ACCSL: variants seen among roughly 807,000 people sequenced by gnomAD.
ACCSL encodes probable inactive 1-aminocyclopropane-1-carboxylate synthase-like protein 2.
In ACCSL, 55 loss-of-function variants were observed where a neutral mutation model predicts 61.7. The observed-to-expected ratio is 0.89, with a 90% CI of 0.72 to 1.12. The LOEUF is 1.12. Among genes scored for constraint, ACCSL ranks in the 50% most tolerant of loss-of-function variants. The pLI, the probability that ACCSL is intolerant of heterozygous loss-of-function variation, is 0.00. For missense variants in ACCSL, 632 were observed against 698.0 expected (o/e 0.91, Z 1.07); for synonymous variants, 258 against 264.3 (o/e 0.98, Z 0.23).
chr11:44,021,783 T>C, the ACCSL span, among the ~76,000 whole-genome samples: 2 of 152,142 alleles, frequency 1.3e-5, no homozygotes, highest in Non-Finnish European at 2.9e-5. Flanking sequence ...CCACCTTGAG[T>C]TGATTTTTTT....
At chr11:44,023,457 C>T in the ACCSL span, among the ~76,000 whole-genome samples, 2 of 152,144 alleles carry the variant, frequency 1.3e-5, no homozygotes, top group South Asian at 2.1e-4. Flanking sequence ...TTCTGGTATT[C>T]GCTTATGATC....
At chr11:44,018,254 A>C in the ACCSL span, among the ~76,000 whole-genome samples, 2 of 152,184 alleles carry the variant, frequency 1.3e-5, no homozygotes, top group African/African-American at 4.8e-5. Context: ...GGAGCATCAC[A>C]ACTCCAGGCA....
chr11:44,043,881 T>C (rs1335918361), upstream of ACCSL, among the ~76,000 whole-genome samples: 1 of 152,212 alleles, frequency 6.6e-6, no homozygotes, highest in South Asian at 2.1e-4. Flanking sequence ...TTTAATTTTC[T>C]TTCCATTTTT....
At chr11:43,942,031 CGTGCGTGTGTGT>C in the ACCSL span, among the ~76,000 whole-genome samples, 1,286 of 114,450 alleles carry the variant, frequency 0.011, 10 homozygotes, top group African/African-American at 0.024. Context: ...TGTTTGCATT[CGTGCGTGTGTGT>C]GTGTGTGTGT....
the ACCSL span, among the ~76,000 whole-genome samples, chr11:43,958,992 C>T: frequency 6.6e-6 from 1 of 152,120 alleles, no homozygotes; most frequent in Non-Finnish European, 1.5e-5. Flanking sequence ...GGTAGAAGGG[C>T]AGAAAAGGGC....
the ACCSL span, among the ~76,000 whole-genome samples, chr11:44,003,666 T>A: frequency 1.3e-5 from 2 of 151,660 alleles, no homozygotes; most frequent in Admixed American, 1.3e-4. Flanking sequence ...ATGCATTAAT[T>A]ACATTGGGCA....
At chr11:43,958,576 A>G in the ACCSL span, among the ~76,000 whole-genome samples, 1 of 152,222 alleles carries the variant, frequency 6.6e-6, no homozygotes, top group Non-Finnish European at 1.5e-5. Context: ...CCCTGTCTTG[A>G]TAAATTGACT....
chr11:43,985,912 C>T, the ACCSL span, among the ~76,000 whole-genome samples: 4 of 151,858 alleles, frequency 2.6e-5, no homozygotes, highest in Non-Finnish European at 4.4e-5. Context: ...GGGGAGTATG[C>T]CTGTAATCCC....
At chr11:43,992,605 C>A in the ACCSL span, among the ~76,000 whole-genome samples, 4 of 152,110 alleles carry the variant, frequency 2.6e-5, no homozygotes, top group Admixed American at 1.3e-4. Flanking sequence ...ATTAGAGATA[C>A]CTCTAATGAC....
chr11:44,007,176 G>A, the ACCSL span, among the ~76,000 whole-genome samples: 1 of 152,212 alleles, frequency 6.6e-6, no homozygotes, highest in African/African-American at 2.4e-5. Context: ...ACTGCCTCAG[G>A]CCTGCTCTGG....
At chr11:43,992,353 C>T in the ACCSL span, among the ~76,000 whole-genome samples, 1 of 152,192 alleles carries the variant, frequency 6.6e-6, no homozygotes, top group Non-Finnish European at 1.5e-5. Context: ...GGCCCTCCCC[C>T]ATCTTTTCAA....
At chr11:44,018,284 G>C in the ACCSL span, among the ~76,000 whole-genome samples, 1 of 152,214 alleles carries the variant, frequency 6.6e-6, no homozygotes, top group African/African-American at 2.4e-5. Context: ...GCCAGACTGA[G>C]ATGTGAACTC....
chr11:43,952,058 CTTTT>C, the ACCSL span, among the ~76,000 whole-genome samples: 8 of 146,958 alleles, frequency 5.4e-5, no homozygotes, highest in South Asian at 1.7e-3. Flanking sequence ...ATATAGGTAT[CTTTT>C]TTTTTTTTTC....
At chr11:44,004,224 C>T in the ACCSL span, among the ~76,000 whole-genome samples, 60 of 152,092 alleles carry the variant, frequency 3.9e-4, no homozygotes, top group African/African-American at 7.0e-4. Flanking sequence ...TCTAGAACCA[C>T]GTGCACAGAG....
chr11:44,048,480 G>A lies in ACCSL; in HGVS notation c.444G>A (p.Ser148=), dbSNP rs771831713. ...TTGACATCTCTGTCTTTTATCAGTCGAGCTTCCAGGACTACAATGCCTACC... is the reference window on the plus strand; with the variant it reads ...TTGACATCTCTGTCTTTTATCAGTCAAGCTTCCAGGACTACAATGCCTACC... ...RGIDISVFYQ[S]SFQDYNAYQK... The change falls in exon 1 of 14, where the codon TCG becomes TCA. Residue 148 remains serine (S), a synonymous_variant. Transcript: ENST00000378832. The A allele has an allele frequency of 1.2e-5, 20 of 1,607,844 alleles. No individual in the cohort carries two copies. The highest frequency in any genetic ancestry group is 1.2e-4 in the African/African-American group (9 of 72,808).
chr11:44,022,197 T>C, the ACCSL span, among the ~76,000 whole-genome samples: 2 of 152,320 alleles, frequency 1.3e-5, no homozygotes, highest in East Asian at 1.9e-4. Context: ...ATTTGTAGAC[T>C]GCTTTTGGCA....
chr11:43,962,098 CT>C, the ACCSL span, among the ~76,000 whole-genome samples: 2 of 152,146 alleles, frequency 1.3e-5, no homozygotes, highest in African/African-American at 4.8e-5. Flanking sequence ...ATCTCTCCCC[CT>C]CCCTCTCTCC....
At chr11:43,979,846 CAA>C in the ACCSL span, among the ~76,000 whole-genome samples, 2 of 50,846 alleles carry the variant, frequency 3.9e-5, no homozygotes, top group Non-Finnish European at 8.8e-5. Context: ...GACTCTGTCT[CAA>C]AAAAAAAAAA....
the ACCSL span, among the ~76,000 whole-genome samples, chr11:43,966,986 A>G: frequency 2.5e-3 from 381 of 151,148 alleles, 2 homozygotes; most frequent in African/African-American, 8.8e-3. Flanking sequence ...CATATTTATC[A>G]TTTTCTCTCT....
Sources: gnomAD v4.1 joint callset for allele counts (sites outside exome capture counted in the v4.1 genomes callset) on GRCh38, gnomAD v4.1.1 for gene constraint, MANE v1.5 for transcripts, NCBI Gene and HGNC (gene_info 2026-07-23, HGNC 2026-07-21) for gene names.